CR1: variants seen among roughly 807,000 people sequenced by gnomAD.
The protein encoded by CR1 is complement receptor type 1.
In CR1, 116 loss-of-function variants were observed where a neutral mutation model predicts 187.3. The ratio of observed to expected loss-of-function variants is 0.62; its 90% CI spans 0.53 to 0.72. CR1 has a LOEUF of 0.72. Ranked by LOEUF, CR1 falls within the 30% of genes least tolerant of loss-of-function variation. The pLI, the probability that CR1 is intolerant of heterozygous loss-of-function variation, is 0.00. For synonymous variants in CR1, 576 were observed against 747.1 expected, an observed-to-expected ratio of 0.77 and a Z score of 3.73; for missense variants, 1,731 against 2,110.7, an observed-to-expected ratio of 0.82 and a Z score of 3.52.
chr1:207,633,031 AAG>A (rs1043622700), intron 46 of CR1, among the ~76,000 whole-genome samples: 7 of 152,210 alleles, frequency 4.6e-5, no homozygotes, highest in African/African-American at 1.7e-4. Flanking sequence ...CCATTTTTAC[AAG>A]AGTTCATTTT....
At chr1:207,617,483 G>GTATATATATATATATATATATATATATA (rs767996719) in intron 41 of CR1, among the ~76,000 whole-genome samples, 3 of 41,748 alleles carry the variant, frequency 7.2e-5, no homozygotes, top group Non-Finnish European at 1.1e-4. Flanking sequence ...AGAACTTAAA[G>GTATATATATATATATATATATATATATA]TATATATATA....
At chr1:207,606,681 TG>T (rs1262064362) in intron 35 of CR1, 1 of 152,212 alleles carries the variant, frequency 6.6e-6, no homozygotes, top group Non-Finnish European at 1.5e-5. Flanking sequence ...CTACGTTTTG[TG>T]GCCTACTCTG....
intron 1 of CR1, among the ~76,000 whole-genome samples, chr1:207,501,774 G>A (rs1659277268): frequency 6.6e-6 from 1 of 152,056 alleles, no homozygotes; most frequent in Non-Finnish European, 1.5e-5. Flanking sequence ...ACAGCTTTTG[G>A]CGCTAGGCAC....
intron 3 of CR1, among the ~76,000 whole-genome samples, chr1:207,508,684 TC>T (rs2102283993): frequency 6.6e-6 from 1 of 152,310 alleles, no homozygotes; most frequent in South Asian, 2.1e-4. Flanking sequence ...TCTGTACTAT[TC>T]CCTGCATGTG....
intron 1 of CR1, among the ~76,000 whole-genome samples, chr1:207,497,413 G>T (rs1389633037): frequency 2.6e-5 from 4 of 152,130 alleles, no homozygotes; most frequent in Non-Finnish European, 4.4e-5. Flanking sequence ...AGTCTTGGTT[G>T]TTTTTGTCCA....
In CR1 at chr1:207,619,969, T is replaced by C. The variant is rs1662266384; in HGVS notation, c.7156T>C (p.Leu2386=). 3 of 1,613,434 alleles carry C rather than the reference T, an allele frequency of 1.9e-6. No individual in the cohort carries two copies. The highest frequency in any genetic ancestry group is 2.7e-5 in the African/African-American group (2 of 74,922). ...ATATCACTATGGAGATTATGTGACTTTGAAGTGTGAAGATGGGTATACTCT... is the reference window on the plus strand; with the variant it reads ...ATATCACTATGGAGATTATGTGACTCTGAAGTGTGAAGATGGGTATACTCT... The part of the protein sequence containing the change: ...KVYHYGDYVT[L]KCEDGYTLEG... The change falls in exon 43 of 47, where the codon TTG becomes CTG. Residue 2386 remains leucine, a synonymous_variant. Coordinates refer to ENST00000367049, the MANE Select transcript of CR1 (RefSeq NM_000651.6).
intron 28 of CR1, among the ~76,000 whole-genome samples, chr1:207,577,126 C>G (rs1276625889): frequency 3.3e-5 from 5 of 151,956 alleles, no homozygotes; most frequent in Admixed American, 2.6e-4. Flanking sequence ...TGGCGCATGC[C>G]TGTAATCCCA....
At chr1:207,589,266 G>A (rs1002971433) in intron 35 of CR1, among the ~76,000 whole-genome samples, 2 of 152,108 alleles carry the variant, frequency 1.3e-5, no homozygotes, top group Non-Finnish European at 2.9e-5. Context: ...TTCTCCTTGG[G>A]ACAAGTAGCC....
intron 1 of CR1, among the ~76,000 whole-genome samples, chr1:207,503,726 T>C (rs1463568715): frequency 1.3e-5 from 2 of 152,152 alleles, no homozygotes; most frequent in Non-Finnish European, 1.5e-5. Context: ...CCATTACAGG[T>C]AACAATCACA....
chr1:207,524,863 C>T (rs1261767055), intron 5 of CR1, among the ~76,000 whole-genome samples: 7 of 151,902 alleles, frequency 4.6e-5, no homozygotes. Flanking sequence ...GGAGGGATTT[C>T]ATGCAGGTTG....
chr1:207,588,101 G>A (rs531301073), intron 34 of CR1, among the ~76,000 whole-genome samples: 1 of 152,346 alleles, frequency 6.6e-6, no homozygotes, highest in African/African-American at 2.4e-5. Context: ...CTGGCGGAAT[G>A]AGAGTACAAC....
intron 46 of CR1, among the ~76,000 whole-genome samples, chr1:207,633,285 C>T (rs1662707129): frequency 6.6e-6 from 1 of 152,084 alleles, no homozygotes; most frequent in Admixed American, 6.6e-5. Flanking sequence ...AGTAATATCT[C>T]ATCATTGTTA....
intron 45 of CR1, among the ~76,000 whole-genome samples, chr1:207,625,227 CA>C (rs1194861400): frequency 6.6e-6 from 1 of 152,114 alleles, no homozygotes; most frequent in Non-Finnish European, 1.5e-5. Flanking sequence ...TCATGTTTTC[CA>C]TCTCGTAAAA....
At chr1:207,525,215 G>A (rs1432416672) in intron 5 of CR1, among the ~76,000 whole-genome samples, 1 of 151,828 alleles carries the variant, frequency 6.6e-6, no homozygotes, top group Non-Finnish European at 1.5e-5. Context: ...CTCCAACACT[G>A]GGAATTACCA....
chr1:207,500,586 T>C (rs1659236271), intron 1 of CR1, among the ~76,000 whole-genome samples: 1 of 152,158 alleles, frequency 6.6e-6, no homozygotes, highest in Non-Finnish European at 1.5e-5. Context: ...TAACAATACA[T>C]ACCCACTAGA....
rs1209982678 is a variant in CR1, at chr1:207,581,285, T to TAGACGTATACATATGGACACGTATAC, written c.5217-633_5217-632insAGACGTATACATATGGACACGTATAC. 1.2e-4 allele frequency among the ~76,000 whole-genome samples: 17 copies of TAGACGTATACATATGGACACGTATAC among 138,792 alleles called. 1 individual carries two copies. Among genetic ancestry groups the TAGACGTATACATATGGACACGTATAC allele is most frequent in the African/African-American group, 4.5e-4 (16 of 35,398 alleles). The allele number at this position is 138,792 out of a possible 152,430, so 91.1% of individuals were successfully genotyped here. ...AGACGTATACATATGGACACGTATA[T>TAGACGTATACATATGGACACGTATAC]GTATACGTATACATATGGACACGTA... On this transcript the variant is annotated intron_variant, in intron 31 of 46. Transcript: ENST00000367049.
intron 35 of CR1, among the ~76,000 whole-genome samples, chr1:207,589,706 C>T (rs112907710): frequency 2.0e-4 from 31 of 152,072 alleles, no homozygotes; most frequent in Non-Finnish European, 2.9e-4. Context: ...TGCAAGGAAG[C>T]GAAGAACCTT....
chr1:207,567,236 A>C (rs1166855129), intron 24 of CR1, among the ~76,000 whole-genome samples: 1 of 149,508 alleles, frequency 6.7e-6, no homozygotes, highest in East Asian at 1.9e-4. Context: ...AGACATTTTC[A>C]AAAGCAAAGC....
intron 28 of CR1, among the ~76,000 whole-genome samples, chr1:207,577,524 C>T (rs111921489): frequency 3.3e-5 from 5 of 152,294 alleles, no homozygotes; most frequent in African/African-American, 1.2e-4. Context: ...AATCCCAGCA[C>T]TTTGAAAGGC....
Sources: allele counts gnomAD v4.1 joint callset (sites outside exome capture counted in the v4.1 genomes callset), GRCh38; gene constraint gnomAD v4.1.1; transcripts MANE v1.5; gene names NCBI Gene and HGNC (gene_info 2026-07-23, HGNC 2026-07-21).